Variants in COMMD1 observed in about 807,000 individuals in gnomAD.
The protein encoded by COMMD1 is copper metabolism domain containing 1.
A neutral mutation model predicts 17.2 loss-of-function variants in COMMD1; 10 were observed. The ratio of observed to expected loss-of-function variants is 0.58; its 90% CI spans 0.36 to 0.99. The LOEUF is 0.99. Among genes scored for constraint, COMMD1 ranks in the 50% least tolerant of loss-of-function variants. COMMD1 has a pLI of 0.01. For missense variants in COMMD1, 270 were observed against 231.8 expected (o/e 1.17, Z -1.07); for synonymous variants, 97 against 91.6 (o/e 1.06, Z -0.34).
intron 1 of COMMD1, among the ~76,000 whole-genome samples, chr2:61,932,341 C>G (rs950598777): frequency 2.1e-4 from 32 of 152,214 alleles, no homozygotes; most frequent in African/African-American, 7.0e-4. Flanking sequence ...TCAGATACCA[C>G]TTATGTTTTA....
intron 2 of COMMD1, among the ~76,000 whole-genome samples, chr2:62,067,661 C>T (rs181014088): frequency 6.6e-6 from 1 of 152,220 alleles, no homozygotes; most frequent in East Asian, 1.9e-4. Context: ...TATGATTGGA[C>T]AAAAGTAGGG....
rs535190054 is a variant in COMMD1, at chr2:62,097,543, A to G, written c.463-38288A>G. ...TTGTAAGTCTGCATCTCCCAAGTTGAGAATCATTTCTCCCTTCTGTGAAAA... is the reference window on the plus strand; with the variant it reads ...TTGTAAGTCTGCATCTCCCAAGTTGGGAATCATTTCTCCCTTCTGTGAAAA... On this transcript the variant is annotated intron_variant, in intron 2 of 2. Transcript: ENST00000311832. 3.3e-5 allele frequency among the ~76,000 whole-genome samples: 5 copies of G among 152,312 alleles called. No individual in the cohort carries two copies. The South Asian group carries it at 1.0e-3, about 32-fold the overall frequency.
chr2:61,896,662 C>A (rs1166162252), intron 1 of COMMD1, among the ~76,000 whole-genome samples: 1 of 152,060 alleles, frequency 6.6e-6, no homozygotes, highest in Non-Finnish European at 1.5e-5. Context: ...GAGAACACAC[C>A]ACCCCAAATA....
Position 62,121,470 on chromosome 2 carries a change from G to A in COMMD1, c.463-14361G>A, listed in dbSNP as rs144305551. The stretch of plus-strand genomic sequence containing the variant: ...TTGAGAAAACAGGACTGGGCGTGTT[G>A]CCTCATACCTGTAATCCCAACACTT... On this transcript the variant is annotated intron_variant, in intron 2 of 2. Coordinates refer to ENST00000311832, the MANE Select transcript of COMMD1 (RefSeq NM_152516.4). Among the ~76,000 whole-genome samples the A allele has an allele frequency of 2.2e-3, 336 of 151,154 alleles. 2 individuals carry two copies. The highest frequency in any genetic ancestry group is 7.8e-3 in the African/African-American group (321 of 41,210).
chr2:62,099,983 C>T (rs1034638348), intron 2 of COMMD1, among the ~76,000 whole-genome samples: 3 of 152,046 alleles, frequency 2.0e-5, no homozygotes, highest in African/African-American at 7.2e-5. Context: ...GTTCCTCACG[C>T]AAAGTGCACA....
Position 61,960,136 on chromosome 2 carries a change from C to T in COMMD1, c.181-40565C>T, listed in dbSNP as rs76548113. Among the ~76,000 whole-genome samples the T allele has an allele frequency of 2.8e-3, 407 of 143,998 alleles. 8 individuals carry two copies. Among genetic ancestry groups the T allele is most frequent in the Admixed American group, 0.024 (344 of 14,620 alleles). The allele number at this position is 143,998 out of a possible 152,430, so 94.5% of individuals were successfully genotyped here. Reference sequence around the variant, plus strand: ...ATATGTGTGTGTGTGTGTGTGTGTACACACACACTGTAATAGTGGATAGCA... The same window carrying T: ...ATATGTGTGTGTGTGTGTGTGTGTATACACACACTGTAATAGTGGATAGCA... On this transcript the variant is annotated intron_variant, in intron 1 of 2. Coordinates refer to ENST00000311832, the MANE Select transcript of COMMD1 (RefSeq NM_152516.4).
intron 2 of COMMD1, among the ~76,000 whole-genome samples, chr2:62,032,429 A>G (rs1199988795): frequency 2.0e-5 from 3 of 152,174 alleles, no homozygotes; most frequent in Admixed American, 2.0e-4. Context: ...CTAGCTACAG[A>G]GGAGGCTCGG....
In COMMD1 at chr2:61,916,711, G is replaced by A. The variant is rs117051090; in HGVS notation, c.180+10853G>A. On this transcript the variant is annotated intron_variant, in intron 1 of 2. Transcript: ENST00000311832. ...CAAAGTGCTGGGATTACAGGCATAA[G>A]CCACCATGTCTGACCTGTATTTAGC... Among the ~76,000 whole-genome samples, 38 of 152,224 alleles carry A rather than the reference G, an allele frequency of 2.5e-4. No homozygotes were observed. In the East Asian group the frequency reaches 4.8e-3, roughly 19 times the overall value.
chr2:61,903,547 AG>A (rs2105166752), upstream of COMMD1, among the ~76,000 whole-genome samples: 1 of 151,332 alleles, frequency 6.6e-6, no homozygotes, highest in South Asian at 2.1e-4. Flanking sequence ...GGGGCATTTC[AG>A]TTGTCACTTT....
At chr2:62,044,220 T>C (rs1476260820) in intron 2 of COMMD1, among the ~76,000 whole-genome samples, 3 of 152,370 alleles carry the variant, frequency 2.0e-5, no homozygotes, top group Non-Finnish European at 4.4e-5. Context: ...TTTTTCTTCA[T>C]TATGATTAAC....
chr2:62,121,231 G>T (rs531431351), intron 2 of COMMD1, among the ~76,000 whole-genome samples: 2 of 151,316 alleles, frequency 1.3e-5, no homozygotes, highest in Non-Finnish European at 2.9e-5. Context: ...TTAACTGGGC[G>T]TGGTGGCATT....
At chr2:62,007,580 A>G (rs911578515) in intron 2 of COMMD1, among the ~76,000 whole-genome samples, 25 of 152,202 alleles carry the variant, frequency 1.6e-4, no homozygotes, top group African/African-American at 6.0e-4. Flanking sequence ...ATATTTAGAT[A>G]TGTTTAGTTA....
At chr2:62,084,272 C>A (rs976438230) in intron 2 of COMMD1, among the ~76,000 whole-genome samples, 1 of 152,152 alleles carries the variant, frequency 6.6e-6, no homozygotes, top group Non-Finnish European at 1.5e-5. Context: ...AACTTAACTA[C>A]TAATAGCCAG....
intron 1 of COMMD1, among the ~76,000 whole-genome samples, chr2:61,981,452 T>C (rs909626314): frequency 9.9e-5 from 15 of 152,228 alleles, no homozygotes; most frequent in Non-Finnish European, 2.1e-4. Flanking sequence ...GAGTTCACTG[T>C]ACATGGATGG....
chr2:62,103,303 T>A (rs1324926754), intron 2 of COMMD1, among the ~76,000 whole-genome samples: 2 of 152,214 alleles, frequency 1.3e-5, no homozygotes, highest in Non-Finnish European at 2.9e-5. Context: ...ACCTCTTCCA[T>A]AGTTTGTTGA....
intron 2 of COMMD1, among the ~76,000 whole-genome samples, chr2:62,052,066 C>T (rs1372282937): frequency 5.3e-5 from 8 of 152,206 alleles, no homozygotes; most frequent in African/African-American, 1.9e-4. Flanking sequence ...AAAGGAATCT[C>T]TTAACCATCC....
chr2:62,025,524 T>C (rs1388017482), intron 2 of COMMD1, among the ~76,000 whole-genome samples: 1 of 152,112 alleles, frequency 6.6e-6, no homozygotes, highest in Non-Finnish European at 1.5e-5. Flanking sequence ...AGCAAGGCCC[T>C]GTCTCTTTAA....
chr2:62,011,501 G>T (rs1421288946), intron 2 of COMMD1, among the ~76,000 whole-genome samples: 1 of 151,996 alleles, frequency 6.6e-6, no homozygotes. Flanking sequence ...AGAGGACAAA[G>T]ATTTTTTTTT....
chr2:62,093,970 C>A, intron 2 of COMMD1, among the ~76,000 whole-genome samples: 1 of 152,152 alleles, frequency 6.6e-6, no homozygotes, highest in Admixed American at 6.5e-5. Context: ...GAGTTGGACA[C>A]TTTTGATTAT....
Sources: allele counts gnomAD v4.1 joint callset (sites outside exome capture counted in the v4.1 genomes callset), GRCh38; gene constraint gnomAD v4.1.1; transcripts MANE v1.5; gene names NCBI Gene and HGNC (gene_info 2026-07-23, HGNC 2026-07-21).